The following TECPR1 variants were observed in gnomAD, a reference collection of about 807,000 sequenced individuals.
TECPR1 encodes the protein tectonin beta-propeller repeat-containing protein 1.
A neutral mutation model predicts 162.4 loss-of-function variants in TECPR1; 122 were observed. The observed-to-expected ratio is 0.75, with a 90% CI of 0.65 to 0.87. The LOEUF (loss-of-function observed/expected upper bound fraction) is 0.87. Among genes scored for constraint, TECPR1 ranks in the 40% least tolerant of loss-of-function variants. TECPR1 has a pLI of 0.00. For synonymous variants in TECPR1, 642 were observed against 670.6 expected, an observed-to-expected ratio of 0.96 and a Z score of 0.66; for missense variants, 1,432 against 1,618.2, an observed-to-expected ratio of 0.88 and a Z score of 1.97.
chr7:98,238,755 A>T, intron 8 of TECPR1, 145 bp from the exon 9 acceptor site: 1 of 711,524 alleles, frequency 1.4e-6, no homozygotes, highest in Non-Finnish European at 2.5e-6. Context: ...TTAGCGAGGA[A>T]GCCCTTATCC....
chr7:98,219,299 T>C (rs1343180641), intron 23 of TECPR1, among the ~76,000 whole-genome samples: 4 of 151,968 alleles, frequency 2.6e-5, no homozygotes, highest in African/African-American at 9.7e-5. Context: ...AAAAAAAACC[T>C]AGGAAAAACT....
chr7:98,245,672 C>T (rs1798887653), intron 3 of TECPR1, among the ~76,000 whole-genome samples: 1 of 152,132 alleles, frequency 6.6e-6, no homozygotes, highest in Non-Finnish European at 1.5e-5. Context: ...CAGAGATTCA[C>T]CATGATGCCT....
rs770764273 is a variant in TECPR1 at position 98,217,100 on chromosome 7, A to T, written c.*290T>A. ...TTCTAGTCCTGGAAAGGCAGAAGGG[A>T]GAGGGGAAGGGAAGGGTGGGAGGGG... is the stretch of plus-strand genomic sequence containing the variant. On this transcript the variant is annotated 3_prime_UTR_variant, in exon 26 of 26. Transcript: ENST00000447648. The T allele has an allele frequency of 1.8e-5, 6 of 330,868 alleles. No individual in the cohort carries two copies. The highest frequency in any genetic ancestry group is 3.3e-5 in the Non-Finnish European group (6 of 183,378). The allele number at this position is 330,868 out of a possible 1,614,324, so 20.5% of individuals were successfully genotyped here. A position where few individuals can be genotyped will look rare whatever the true frequency, so the allele number is the denominator to read the frequency against.
At position 98,244,685 on chromosome 7, in the gene TECPR1, C is replaced by A; in HGVS notation, c.417G>T (p.Thr139=). The change falls in exon 5 of 26, where the codon ACG becomes ACT. Residue 139 remains threonine (T), a synonymous_variant. Transcript: ENST00000447648. ...GGEPTEKGGW[T]YAIDFPATYT... is the part of the protein sequence containing the mutation. ...AGGTGGCGGGAAAGTCGATGGCGTA[C>A]GTCCACCCCTGAAACACCAAGGAAG... The A allele has an allele frequency of 6.2e-7, 1 of 1,610,312 alleles. No individual in the cohort carries two copies. Among genetic ancestry groups the A allele is most frequent in the Non-Finnish European group, 8.5e-7 (1 of 1,178,126 alleles).
At position 98,244,654 on chromosome 7, in the gene TECPR1, T is replaced by A. The variant is rs1331596119; in HGVS notation, c.448A>T (p.Lys150Ter). Residue 150 changes from lysine (K) to a stop codon, truncating the protein, a stop_gained, in exon 5 of 26, where the codon AAA (lysine) becomes TAA (stop). Transcript: ENST00000447648. LOFTEE classifies it high-confidence loss of function. ...YAIDFPATYTKDKKWNSCVRR... is the reference protein window; with the variant it reads ...YAIDFPATYT ...ACACAAGAATTCCACTTCTTGTCTT[T>A]CGTGTAGGTGGCGGGAAAGTCGATG... 1 of 1,612,822 alleles carries A rather than the reference T, an allele frequency of 6.2e-7. No homozygotes were observed. Among genetic ancestry groups the A allele is most frequent in the African/African-American group, 1.3e-5 (1 of 74,916 alleles).
chr7:98,242,920 A>G (rs1257447770), intron 6 of TECPR1, among the ~76,000 whole-genome samples: 1 of 104,820 alleles, frequency 9.5e-6, no homozygotes, highest in African/African-American at 4.0e-5. Context: ...ACCCATCCAC[A>G]CACCCATCCG....
chr7:98,251,352 G>C (rs997532601), intron 2 of TECPR1, 42 bp downstream of exon 2: 5 of 152,172 alleles, frequency 3.3e-5, no homozygotes, highest in African/African-American at 9.7e-5. Context: ...AGATGTGGTA[G>C]AGGAAAAGAC....
intron 17 of TECPR1, among the ~76,000 whole-genome samples, chr7:98,225,712 G>C (rs1371309338): frequency 1.3e-5 from 2 of 152,030 alleles, no homozygotes; most frequent in Non-Finnish European, 2.9e-5. Context: ...GGAGTGCAGG[G>C]GTATGATCAT....
chr7:98,240,819 C>T, intron 8 of TECPR1, 32 bp downstream of exon 8: 1 of 1,553,952 alleles, frequency 6.4e-7, no homozygotes, highest in Non-Finnish European at 8.7e-7. Flanking sequence ...CTCCTGGGCT[C>T]AAGTGATCCC....
chr7:98,250,580 G>A (rs1195552566), intron 2 of TECPR1, among the ~76,000 whole-genome samples: 1 of 152,214 alleles, frequency 6.6e-6, no homozygotes, highest in Non-Finnish European at 1.5e-5. Flanking sequence ...TGAGGCTACA[G>A]TGAGCTATGA....
chr7:98,242,034 T>C (rs1010721315), intron 6 of TECPR1, among the ~76,000 whole-genome samples: 2 of 152,200 alleles, frequency 1.3e-5, no homozygotes, highest in South Asian at 2.1e-4. Context: ...CAGATGGCCA[T>C]GGCCCCCCGA....
chr7:98,247,591 C>G (rs916211367), intron 2 of TECPR1, among the ~76,000 whole-genome samples: 1 of 152,168 alleles, frequency 6.6e-6, no homozygotes, highest in Non-Finnish European at 1.5e-5. Flanking sequence ...AATGAGGGCA[C>G]GTTGAGAGCC....
chr7:98,251,718 A>T (rs1018275769), intron 1 of TECPR1, 170 bp from the exon 2 acceptor site: 4 of 152,304 alleles, frequency 2.6e-5, no homozygotes, highest in African/African-American at 9.6e-5. Flanking sequence ...CCAGTAGCAT[A>T]TGTCGGAGCT....
intron 23 of TECPR1, among the ~76,000 whole-genome samples, chr7:98,219,231 A>G (rs1213089806): frequency 1.3e-5 from 2 of 152,258 alleles, no homozygotes; most frequent in Non-Finnish European, 2.9e-5. Context: ...CATATTAAAA[A>G]AACAACTCAA....
Position 98,241,346 on chromosome 7 carries a change from C to G in TECPR1, c.658-102G>C. 7.0e-7 allele frequency: 1 copy of G among 1,424,026 alleles called. No homozygotes were observed. Among genetic ancestry groups the G allele is most frequent in the Non-Finnish European group, 9.6e-7 (1 of 1,038,306 alleles). The allele number at this position is 1,424,026 out of a possible 1,614,324, so 88.2% of individuals were successfully genotyped here. On this transcript the variant is annotated intron_variant, in intron 6 of 25. Transcript: ENST00000447648. This position sits in a 1 kb window ranked among gnomAD's most constrained non-coding sequence, Gnocchi z 5.0. Reference sequence around the variant, plus strand: ...GGGGGTAGGACCCATGTCCCCTGACCGTCCAGATCTCACTCCCTGCCCCCT... The same window carrying G: ...GGGGGTAGGACCCATGTCCCCTGACGGTCCAGATCTCACTCCCTGCCCCCT...
chr7:98,225,179 C>T, intron 17 of TECPR1, 77 bp from the exon 18 acceptor site: 2 of 1,347,328 alleles, frequency 1.5e-6, no homozygotes, highest in Admixed American at 4.3e-5. Context: ...CCATAACACC[C>T]CACAGGGAAG....
chr7:98,220,634 C>G (rs1798118108), intron 23 of TECPR1, among the ~76,000 whole-genome samples: 1 of 151,910 alleles, frequency 6.6e-6, no homozygotes, highest in Non-Finnish European at 1.5e-5. Context: ...TCTCGGCTCA[C>G]TGCAAGCTCC....
At position 98,231,019 on chromosome 7, in the gene TECPR1, C is replaced by A; in HGVS notation, c.2224G>T (p.Val742Leu). Residue 742 changes from valine to leucine, a missense_variant, in exon 15 of 26, where the codon GTG (valine) becomes TTG (leucine). Physicochemically the swap from Val to Leu is conservative, Grantham distance 32 (BLOSUM62 1). Transcript: ENST00000447648. ...WSITCKGDIFVSEPSPDLEAH... is the reference protein window; with the variant it reads ...WSITCKGDIFLSEPSPDLEAH... Reference sequence around the variant, plus strand: ...TCCAGGTCTGGGCTGGGCTCGCTCACGAAGATGTCCCCCTTGCAGGTGATG... The same window carrying A: ...TCCAGGTCTGGGCTGGGCTCGCTCAAGAAGATGTCCCCCTTGCAGGTGATG... 6.2e-7 allele frequency: 1 copy of A among 1,612,894 alleles called. No homozygotes were observed. Among genetic ancestry groups the A allele is most frequent in the Non-Finnish European group, 8.5e-7 (1 of 1,179,632 alleles).
chr7:98,241,296 C>T lies in TECPR1; in HGVS notation c.658-52G>A. 6.2e-7 allele frequency: 1 copy of T among 1,602,222 alleles called. No homozygotes were observed. Among genetic ancestry groups the T allele is most frequent in the East Asian group, 2.2e-5 (1 of 44,700 alleles). ...CCTGCATCAACTCATTCACACCAGC[C>T]AAGCACGGGGGTCTCGGTGTGGTAG... On this transcript the variant is annotated intron_variant, in intron 6 of 25. Transcript: ENST00000447648. The surrounding 1 kb of genome is among the most constrained non-coding windows in gnomAD (Gnocchi z 5.0).
Sources: gnomAD v4.1 joint callset for allele counts (sites outside exome capture counted in the v4.1 genomes callset) on GRCh38, gnomAD v4.1.1 for gene constraint, Gnocchi (gnomAD v3.1) non-coding constraint, MANE v1.5 for transcripts, NCBI Gene and HGNC (gene_info 2026-07-23, HGNC 2026-07-21) for gene names.